Variants in DNAJC1 observed in about 807,000 individuals in gnomAD.
The protein encoded by DNAJC1 is DnaJ heat shock protein family (Hsp40) member C1, also known as dnaJ homolog subfamily C member 1.
DNAJC1 carries 58 observed loss-of-function variants against 76.6 expected under a neutral mutation model. The ratio of observed to expected loss-of-function variants is 0.76; its 90% CI spans 0.61 to 0.94. DNAJC1 has a LOEUF of 0.94. DNAJC1 is among the 40% of genes least tolerant of loss of function. The probability of loss-of-function intolerance (pLI) is 0.00; values close to 1 mark genes in which losing one functional copy is unlikely to be tolerated. For missense variants in DNAJC1, 689 were observed against 677.3 expected, an observed-to-expected ratio of 1.02 and a Z score of -0.19; for synonymous variants, 258 against 267.9, an observed-to-expected ratio of 0.96 and a Z score of 0.36.
rs182737462 is a variant in DNAJC1 at position 21,792,427 on chromosome 10, C to T, written c.1098+13553G>A. ...CATCACAAGGAAACTATAGACCATT[C>T]GCTCTCATGAACAAAGAAACAAAAA... On this transcript the variant is annotated intron_variant, in intron 9 of 11. Coordinates refer to ENST00000376980, the MANE Select transcript of DNAJC1 (RefSeq NM_022365.4). Among the ~76,000 whole-genome samples the T allele has an allele frequency of 2.3e-3, 348 of 152,238 alleles. 3 individuals are homozygous for T. The highest frequency in any genetic ancestry group is 7.9e-3 in the African/African-American group (329 of 41,542).
intron 8 of DNAJC1, among the ~76,000 whole-genome samples, chr10:21,844,535 C>T (rs921021331): frequency 2.0e-5 from 3 of 152,086 alleles, no homozygotes; most frequent in African/African-American, 7.2e-5. Context: ...CAGAGACACA[C>T]CAGTAAAGAG....
chr10:21,805,129 G>GA (rs1834868357), intron 9 of DNAJC1, among the ~76,000 whole-genome samples: 1 of 152,176 alleles, frequency 6.6e-6, no homozygotes, highest in East Asian at 1.9e-4. Context: ...TATACTAACA[G>GA]AATGGAAGGG....
chr10:21,851,811 T>G (rs984705964), intron 8 of DNAJC1, among the ~76,000 whole-genome samples: 2 of 151,922 alleles, frequency 1.3e-5, no homozygotes, highest in African/African-American at 4.8e-5. Context: ...TCCCAGCACT[T>G]TGGGAGGCCG....
intron 1 of DNAJC1, among the ~76,000 whole-genome samples, chr10:21,946,301 A>C (rs1042724227): frequency 6.6e-6 from 1 of 151,730 alleles, no homozygotes; most frequent in Non-Finnish European, 1.5e-5. Flanking sequence ...CAGCCTCCCA[A>C]AGTGCTGATA....
At chr10:21,946,929 C>T (rs1215366022) in intron 1 of DNAJC1, among the ~76,000 whole-genome samples, 3 of 152,038 alleles carry the variant, frequency 2.0e-5, no homozygotes, top group Non-Finnish European at 4.4e-5. Context: ...CCCTCATGAA[C>T]GGATTAATGG....
At chr10:21,859,533 T>C (rs1245042410) in intron 8 of DNAJC1, among the ~76,000 whole-genome samples, 1 of 152,156 alleles carries the variant, frequency 6.6e-6, no homozygotes, top group Non-Finnish European at 1.5e-5. Context: ...AGTTTTCTAC[T>C]ATGGTATTTT....
Position 21,918,773 on chromosome 10 carries a change from T to C in DNAJC1, c.729+6A>G, listed in dbSNP as rs1836993426. On this transcript the variant is annotated splice_donor_region_variant and intron_variant, in intron 6 of 11. Coordinates refer to ENST00000376980, the MANE Select transcript of DNAJC1 (RefSeq NM_022365.4). The stretch of plus-strand genomic sequence containing the variant: ...TCTAATGTTATATAAAAGAGGTACA[T>C]TTTACCTGGATGAGGTGAGGTAATG... 1.2e-6 allele frequency: 2 copies of C among 1,602,736 alleles called. No individual in the cohort carries two copies. The highest frequency in any genetic ancestry group is 1.7e-6 in the Non-Finnish European group (2 of 1,170,068).
chr10:21,860,839 G>A (rs917213659), intron 8 of DNAJC1: 3 of 152,436 alleles, frequency 2.0e-5, no homozygotes, highest in East Asian at 1.9e-4. Context: ...ATGACTAATT[G>A]GGTGCTTGAT....
chr10:21,966,241 C>T (rs1405357210), intron 1 of DNAJC1, among the ~76,000 whole-genome samples: 1 of 152,144 alleles, frequency 6.6e-6, no homozygotes, highest in East Asian at 1.9e-4. Flanking sequence ...GTAATACTAA[C>T]ACTGTTCACT....
chr10:21,802,726 G>A (rs1291641324), intron 9 of DNAJC1, among the ~76,000 whole-genome samples: 1 of 152,130 alleles, frequency 6.6e-6, no homozygotes, highest in African/African-American at 2.4e-5. Context: ...GAGAGAAGCA[G>A]AATCAGTTTA....
At chr10:21,792,964 T>C (rs1428643524) in intron 9 of DNAJC1, among the ~76,000 whole-genome samples, 2 of 152,020 alleles carry the variant, frequency 1.3e-5, no homozygotes, top group Admixed American at 1.3e-4. Flanking sequence ...TGTCTATTCA[T>C]GATAAAAATG....
chr10:21,972,401 T>C (rs1158588683), intron 1 of DNAJC1, among the ~76,000 whole-genome samples: 5 of 151,996 alleles, frequency 3.3e-5, no homozygotes, highest in Non-Finnish European at 5.9e-5. Context: ...TTAAGTGATA[T>C]ATAATCTATA....
At chr10:21,942,575 G>A (rs1837432234) in intron 1 of DNAJC1, among the ~76,000 whole-genome samples, 1 of 152,056 alleles carries the variant, frequency 6.6e-6, no homozygotes, top group Non-Finnish European at 1.5e-5. Flanking sequence ...GGGAGGCCAA[G>A]GCGGGCAGAT....
At chr10:21,831,768 C>T (rs939574568) in intron 8 of DNAJC1, among the ~76,000 whole-genome samples, 14 of 132,472 alleles carry the variant, frequency 1.1e-4, no homozygotes, top group South Asian at 2.3e-4. Context: ...CCAGCCTGGG[C>T]GACAGAGCGA....
chr10:22,000,982 T>G (rs1357893313), intron 1 of DNAJC1, among the ~76,000 whole-genome samples: 1 of 152,226 alleles, frequency 6.6e-6, no homozygotes, highest in Non-Finnish European at 1.5e-5. Context: ...CCCACATGGC[T>G]TACTCCCTAA....
At chr10:21,848,312 CT>C (rs1835693499) in intron 8 of DNAJC1, among the ~76,000 whole-genome samples, 1 of 152,044 alleles carries the variant, frequency 6.6e-6, no homozygotes, top group African/African-American at 2.4e-5. Flanking sequence ...AGATTATTTG[CT>C]ATTGAGTTGA....
At chr10:21,826,479 C>G (rs968335747) in intron 8 of DNAJC1, among the ~76,000 whole-genome samples, 58 of 152,042 alleles carry the variant, frequency 3.8e-4, no homozygotes, top group Non-Finnish European at 2.1e-4. Flanking sequence ...TTCATGGTAT[C>G]CTTTGATATA....
chr10:21,885,846 G>A (rs1836359479), intron 7 of DNAJC1, among the ~76,000 whole-genome samples: 1 of 152,038 alleles, frequency 6.6e-6, no homozygotes, highest in South Asian at 2.1e-4. Context: ...GTGTTAAGAG[G>A]GAAATTCATA....
chr10:21,794,658 G>T (rs1421864959), intron 9 of DNAJC1, among the ~76,000 whole-genome samples: 1 of 151,892 alleles, frequency 6.6e-6, no homozygotes, highest in Non-Finnish European at 1.5e-5. Flanking sequence ...CCTGGGTTAG[G>T]AAAAGTTCTT....
Sources: allele counts gnomAD v4.1 joint callset (sites outside exome capture counted in the v4.1 genomes callset), GRCh38; gene constraint gnomAD v4.1.1; transcripts MANE v1.5; gene names NCBI Gene and HGNC (gene_info 2026-07-23, HGNC 2026-07-21).